Variants in RNF180 observed in about 807,000 individuals in gnomAD.
RNF180 encodes E3 ubiquitin-protein ligase RNF180.
RNF180 carries 38 observed loss-of-function variants against 59.2 expected under a neutral mutation model. That is an observed-to-expected ratio of 0.64 (90% CI 0.50 to 0.84). RNF180 has a LOEUF of 0.84. Among genes scored for constraint, RNF180 ranks in the 40% least tolerant of loss-of-function variants. RNF180 has a pLI of 0.00. For missense variants in RNF180, 705 were observed against 700.9 expected (o/e 1.01, Z -0.07); for synonymous variants, 262 against 240.3 (o/e 1.09, Z -0.84).
intron 5 of RNF180, among the ~76,000 whole-genome samples, chr5:64,223,653 A>G (rs2112161031): frequency 6.6e-6 from 1 of 152,278 alleles, no homozygotes; most frequent in Non-Finnish European, 1.5e-5. Flanking sequence ...CAGCCTTTCA[A>G]GAAAGAAAGT....
chr5:64,290,920 T>C (rs963467525), intron 5 of RNF180, among the ~76,000 whole-genome samples: 1 of 152,058 alleles, frequency 6.6e-6, no homozygotes, highest in Non-Finnish European at 1.5e-5. Context: ...ATGTGGTTGC[T>C]TCATAGTGTC....
At chr5:64,182,434 AGGAAACATTAGTGTCT>A (rs2111954780) in intron 1 of RNF180, among the ~76,000 whole-genome samples, 1 of 152,372 alleles carries the variant, frequency 6.6e-6, no homozygotes, top group African/African-American at 2.4e-5. Context: ...TTCAGAATGT[AGGAAACATTAGTGTCT>A]GGAAACATTC....
intron 7 of RNF180, among the ~76,000 whole-genome samples, chr5:64,334,121 G>A (rs1187108036): frequency 6.6e-6 from 1 of 152,174 alleles, no homozygotes; most frequent in East Asian, 1.9e-4. Flanking sequence ...GGCTCCAGCA[G>A]TTTTTCAGAC....
At chr5:64,229,116 G>A (rs1045787890) in intron 5 of RNF180, among the ~76,000 whole-genome samples, 7 of 151,648 alleles carry the variant, frequency 4.6e-5, no homozygotes, top group African/African-American at 9.7e-5. Flanking sequence ...GTAGAGATGC[G>A]GTCTCACTAT....
At chr5:64,256,929 G>A (rs1331833276) in intron 5 of RNF180, among the ~76,000 whole-genome samples, 3 of 152,178 alleles carry the variant, frequency 2.0e-5, no homozygotes, top group African/African-American at 4.8e-5. Flanking sequence ...TCCCTTGTAA[G>A]TTGGATTCCT....
rs1746664065 is a variant in RNF180, at chr5:64,371,774, T to G, written c.*1960T>G. The G allele has an allele frequency of 6.6e-6, 1 of 151,636 alleles. No homozygotes were observed. The highest frequency in any genetic ancestry group is 1.5e-5 in the Non-Finnish European group (1 of 67,744). 9.4% of individuals were successfully genotyped at this position (151,636 alleles called of 1,614,324 possible). A position where few individuals can be genotyped will look rare whatever the true frequency, so the allele number is the denominator to read the frequency against. ...TATAAATTACTAATCTTTAAAATAT[T>G]CTTAAATTTTGTAAAAGTGGAGATA... On this transcript the variant is annotated 3_prime_UTR_variant, in exon 8 of 8. Coordinates refer to ENST00000389100, the MANE Select transcript of RNF180 (RefSeq NM_001113561.2).
chr5:64,175,259 G>T (rs968269982), intron 1 of RNF180, among the ~76,000 whole-genome samples: 2 of 152,172 alleles, frequency 1.3e-5, no homozygotes, highest in Non-Finnish European at 2.9e-5. Flanking sequence ...GAGCCACTGT[G>T]CCTCGCCAAT....
At chr5:64,251,848 T>C (rs1262502001) in intron 5 of RNF180, among the ~76,000 whole-genome samples, 1 of 151,992 alleles carries the variant, frequency 6.6e-6, no homozygotes, top group Non-Finnish European at 1.5e-5. Context: ...TTACACTTGC[T>C]ACAGAAAAAA....
At chr5:64,246,409 T>C (rs1743166686) in intron 5 of RNF180, among the ~76,000 whole-genome samples, 1 of 151,954 alleles carries the variant, frequency 6.6e-6, no homozygotes, top group Admixed American at 6.6e-5. Flanking sequence ...ATAGACACTA[T>C]AAAAAATGAT....
intron 1 of RNF180, among the ~76,000 whole-genome samples, chr5:64,177,775 T>C (rs1216420420): frequency 6.6e-6 from 1 of 151,758 alleles, no homozygotes; most frequent in Non-Finnish European, 1.5e-5. Context: ...TTTAAATAGG[T>C]GTCTCTAGGT....
intron 1 of RNF180, among the ~76,000 whole-genome samples, chr5:64,167,753 C>T (rs1749727553): frequency 6.6e-6 from 1 of 152,078 alleles, no homozygotes; most frequent in African/African-American, 2.4e-5. Flanking sequence ...TTGCTAACTA[C>T]ATAGTACAAG....
chr5:64,224,336 A>G (rs1367330338), intron 5 of RNF180, among the ~76,000 whole-genome samples: 3 of 152,098 alleles, frequency 2.0e-5, no homozygotes, highest in Admixed American at 1.3e-4. Context: ...GAGAGAGAAA[A>G]TATTTTGATC....
intron 5 of RNF180, among the ~76,000 whole-genome samples, chr5:64,320,423 A>G (rs565223888): frequency 6.6e-5 from 10 of 152,188 alleles, no homozygotes; most frequent in Non-Finnish European, 1.0e-4. Context: ...CTAGGAAAAC[A>G]TTCTATATTT....
rs575483860 is a variant in RNF180 at position 64,169,518 on chromosome 5, A to G, written c.-1+3565A>G. Among the ~76,000 whole-genome samples the G allele has an allele frequency of 9.2e-5, 14 of 152,356 alleles. No individual in the cohort carries two copies. The South Asian group carries it at 2.3e-3, about 25-fold the overall frequency. Reference sequence around the variant, plus strand: ...CACTAGGGAGACTACCATTATGACTATCAGAAAGATAATACCAAGAGTTTG... The same window carrying G: ...CACTAGGGAGACTACCATTATGACTGTCAGAAAGATAATACCAAGAGTTTG... On this transcript the variant is annotated intron_variant, in intron 1 of 7. Transcript: ENST00000389100.
intron 2 of RNF180, among the ~76,000 whole-genome samples, chr5:64,205,438 CAAAGACCCT>C (rs1211688829): frequency 6.6e-6 from 1 of 152,126 alleles, no homozygotes; most frequent in Non-Finnish European, 1.5e-5. Context: ...ATAACAGCAA[CAAAGACCCT>C]AAAGATGTAG....
At chr5:64,274,623 G>A (rs1741611061) in intron 5 of RNF180, among the ~76,000 whole-genome samples, 1 of 151,894 alleles carries the variant, frequency 6.6e-6, no homozygotes, top group Non-Finnish European at 1.5e-5. Flanking sequence ...TCTCTGTTCA[G>A]GGTTTCCAAG....
chr5:64,214,447 A>C lies in RNF180; in HGVS notation c.1121A>C (p.Lys374Thr), dbSNP rs771249215. The part of the protein sequence containing the change: ...SLGSINQRLN[K>T]RERSKLKNLR... Reference sequence around the variant, plus strand: ...GGCAGCATTAATCAGAGGCTTAATAAGAGAGAAAGGAGCAAGTTGAAGAAT... The same window carrying C: ...GGCAGCATTAATCAGAGGCTTAATACGAGAGAAAGGAGCAAGTTGAAGAAT... Residue 374 changes from lysine (K) to threonine (T), a missense_variant, in exon 4 of 8, where the codon AAG (lysine) becomes ACG (threonine). Transcript: ENST00000389100. 1 of 1,614,000 alleles carries C rather than the reference A, an allele frequency of 6.2e-7. No individual in the cohort carries two copies. The highest frequency in any genetic ancestry group is 1.7e-5 in the Admixed American group (1 of 59,970).
chr5:64,213,248 T>G (rs538885347), intron 3 of RNF180, among the ~76,000 whole-genome samples: 1 of 152,200 alleles, frequency 6.6e-6, no homozygotes, highest in East Asian at 1.9e-4. Context: ...CCATAGCATA[T>G]TTTTCTTTAG....
chr5:64,180,148 T>G (rs1750491955), intron 1 of RNF180, among the ~76,000 whole-genome samples: 1 of 152,212 alleles, frequency 6.6e-6, no homozygotes, highest in Non-Finnish European at 1.5e-5. Context: ...TATTTGCAGA[T>G]TTCTTCTTCC....
Sources: gnomAD v4.1 joint callset for allele counts (sites outside exome capture counted in the v4.1 genomes callset) on GRCh38, gnomAD v4.1.1 for gene constraint, MANE v1.5 for transcripts, NCBI Gene and HGNC (gene_info 2026-07-23, HGNC 2026-07-21) for gene names.